ALCAM: variants seen among roughly 807,000 people sequenced by gnomAD.
ALCAM encodes CD166 antigen.
A neutral mutation model predicts 70.9 loss-of-function variants in ALCAM; 30 were observed. The observed-to-expected ratio is 0.42, with a 90% CI of 0.32 to 0.57. The LOEUF is 0.57. Ranked by LOEUF, ALCAM falls within the 20% of genes least tolerant of loss-of-function variation. ALCAM has a pLI of 0.11. For missense variants in ALCAM, 591 were observed against 695.1 expected (o/e 0.85, Z 1.68); for synonymous variants, 249 against 242.5 (o/e 1.03, Z -0.25).
intron 1 of ALCAM, among the ~76,000 whole-genome samples, chr3:105,446,436 A>G (rs1303890212): frequency 2.0e-5 from 3 of 152,178 alleles, no homozygotes; most frequent in Non-Finnish European, 4.4e-5. Flanking sequence ...TAAAAATGGA[A>G]CAACCATAAA....
chr3:105,392,439 A>T (rs1935846334), intron 1 of ALCAM, among the ~76,000 whole-genome samples: 1 of 149,924 alleles, frequency 6.7e-6, no homozygotes, highest in South Asian at 2.1e-4. Context: ...ATTTTTTATT[A>T]TGTCTGTTTG....
chr3:105,444,902 A>G (rs1937259161), intron 1 of ALCAM, among the ~76,000 whole-genome samples: 1 of 152,214 alleles, frequency 6.6e-6, no homozygotes, highest in South Asian at 2.1e-4. Flanking sequence ...AATTGAAAGC[A>G]TCCCTAGAAA....
At chr3:105,569,596 G>A (rs965230642) in intron 14 of ALCAM, among the ~76,000 whole-genome samples, 1 of 152,134 alleles carries the variant, frequency 6.6e-6, no homozygotes. Flanking sequence ...ATATATTAAG[G>A]AACAGTGGAA....
intron 1 of ALCAM, among the ~76,000 whole-genome samples, chr3:105,459,026 C>T (rs1192856956): frequency 6.6e-6 from 1 of 152,162 alleles, no homozygotes; most frequent in African/African-American, 2.4e-5. Context: ...TGTTATGTGT[C>T]ATGCATTGTG....
At chr3:105,430,842 G>A (rs190570527) in intron 1 of ALCAM, among the ~76,000 whole-genome samples, 2 of 151,948 alleles carry the variant, frequency 1.3e-5, no homozygotes, top group East Asian at 3.9e-4. Flanking sequence ...ATTTTAAAAT[G>A]TATTTAATCA....
chr3:105,432,397 G>A (rs546992691), intron 1 of ALCAM, among the ~76,000 whole-genome samples: 1 of 152,028 alleles, frequency 6.6e-6, no homozygotes, highest in Non-Finnish European at 1.5e-5. Context: ...TACAATCCTG[G>A]AAGAAGCAGT....
chr3:105,518,287 A>T (rs574472094), intron 1 of ALCAM, among the ~76,000 whole-genome samples: 6 of 152,260 alleles, frequency 3.9e-5, no homozygotes, highest in Admixed American at 3.3e-4. Context: ...ATTAAGGTAT[A>T]GAGATGGATC....
At chr3:105,477,775 T>C (rs1938161012) in intron 1 of ALCAM, among the ~76,000 whole-genome samples, 1 of 152,098 alleles carries the variant, frequency 6.6e-6, no homozygotes, top group Admixed American at 6.6e-5. Context: ...TTTTAATGTT[T>C]TTTCCACTTT....
At chr3:105,530,814 G>T (rs1161577576) in intron 3 of ALCAM, among the ~76,000 whole-genome samples, 2 of 151,944 alleles carry the variant, frequency 1.3e-5, no homozygotes, top group Non-Finnish European at 2.9e-5. Flanking sequence ...GGTTACATTT[G>T]TTTCTCATAT....
intron 1 of ALCAM, among the ~76,000 whole-genome samples, chr3:105,480,628 A>T (rs992045092): frequency 5.3e-5 from 8 of 152,204 alleles, no homozygotes; most frequent in African/African-American, 1.7e-4. Flanking sequence ...TTGTAGGGAC[A>T]TGCTAGGCTA....
intron 1 of ALCAM, among the ~76,000 whole-genome samples, chr3:105,457,774 G>T: frequency 6.6e-6 from 1 of 152,098 alleles, no homozygotes; most frequent in East Asian, 1.9e-4. Context: ...AGGTGCAGAA[G>T]AATCAGAACC....
intron 6 of ALCAM, among the ~76,000 whole-genome samples, chr3:105,537,211 G>C (rs1182552634): frequency 6.6e-6 from 1 of 152,004 alleles, no homozygotes; most frequent in Non-Finnish European, 1.5e-5. Flanking sequence ...TCTTTGTTTT[G>C]ATCTGATTTC....
At chr3:105,435,237 G>T (rs151090690) in intron 1 of ALCAM, among the ~76,000 whole-genome samples, 60 of 152,228 alleles carry the variant, frequency 3.9e-4, no homozygotes, top group African/African-American at 1.3e-3. Flanking sequence ...AATTATAACT[G>T]ATGTCATACC....
At chr3:105,410,355 C>T (rs1364617451) in intron 1 of ALCAM, among the ~76,000 whole-genome samples, 1 of 152,022 alleles carries the variant, frequency 6.6e-6, no homozygotes, top group African/African-American at 2.4e-5. Flanking sequence ...ACCAAGACAT[C>T]TACCGTAAAA....
intron 1 of ALCAM, among the ~76,000 whole-genome samples, chr3:105,416,560 A>G (rs1936512714): frequency 1.3e-5 from 2 of 151,984 alleles, no homozygotes; most frequent in Admixed American, 6.6e-5. Flanking sequence ...ATTATTGATA[A>G]TAGTAACCGT....
intron 15 of ALCAM, among the ~76,000 whole-genome samples, chr3:105,573,596 C>T (rs900457054): frequency 6.6e-6 from 1 of 152,150 alleles, no homozygotes; most frequent in Non-Finnish European, 1.5e-5. Flanking sequence ...AAGACAATCT[C>T]AAAAGAGGTA....
At chr3:105,520,746 T>G (rs1239512868) in intron 2 of ALCAM, among the ~76,000 whole-genome samples, 1 of 152,116 alleles carries the variant, frequency 6.6e-6, no homozygotes, top group African/African-American at 2.4e-5. Context: ...GGTCTGAAAA[T>G]GGAGGGTAGA....
chr3:105,368,445 C>G (rs1434009739), intron 1 of ALCAM, among the ~76,000 whole-genome samples: 1 of 151,978 alleles, frequency 6.6e-6, no homozygotes, highest in Non-Finnish European at 1.5e-5. Context: ...CTCCCCTAAA[C>G]TGAAAATTTA....
At chr3:105,493,493 T>C (rs1006235314) in intron 1 of ALCAM, among the ~76,000 whole-genome samples, 12 of 152,104 alleles carry the variant, frequency 7.9e-5, no homozygotes, top group Non-Finnish European at 5.9e-5. Context: ...GAGATTATCA[T>C]GGATTATCCA....
Sources: allele counts gnomAD v4.1 joint callset (sites outside exome capture counted in the v4.1 genomes callset), GRCh38; gene constraint gnomAD v4.1.1; transcripts MANE v1.5; gene names NCBI Gene and HGNC (gene_info 2026-07-23, HGNC 2026-07-21).